The following UNC5C variants were observed in gnomAD, a reference collection of about 807,000 sequenced individuals.
UNC5C encodes the protein unc-5 netrin receptor C.
A neutral mutation model predicts 99.8 loss-of-function variants in UNC5C; 47 were observed. The ratio of observed to expected loss-of-function variants is 0.47; its 90% CI spans 0.37 to 0.60. UNC5C has a LOEUF of 0.60. Among genes scored for constraint, UNC5C ranks in the 20% least tolerant of loss-of-function variants. The pLI is 0.00. For missense variants in UNC5C, 1,062 were observed against 1,165.9 expected (o/e 0.91, Z 1.30); for synonymous variants, 487 against 452.2 (o/e 1.08, Z -0.98).
intron 7 of UNC5C, among the ~76,000 whole-genome samples, chr4:95,238,077 C>T (rs2149376516): frequency 6.6e-6 from 1 of 152,038 alleles, no homozygotes; most frequent in East Asian, 1.9e-4. Flanking sequence ...CCTACATACT[C>T]AACAATACTG....
chr4:95,548,925 C>T lies in UNC5C; in HGVS notation c.-68G>A. The T allele has an allele frequency of 1.3e-6, 2 of 1,584,144 alleles. No individual in the cohort carries two copies. Among genetic ancestry groups the T allele is most frequent in the Non-Finnish European group, 8.6e-7 (1 of 1,161,094 alleles). On this transcript the variant is annotated 5_prime_UTR_variant, in exon 1 of 16. The change creates a new upstream start codon in the 5' untranslated region. Transcript: ENST00000453304. The stretch of plus-strand genomic sequence containing the variant: ...GACGCGCAAACAGCTGAAAGCCCCA[C>T]TGGGCAGAAGCTGAATCCGTGCACC...
At chr4:95,389,559 A>T (rs10021468) in intron 1 of UNC5C, among the ~76,000 whole-genome samples, 115,196 of 151,980 alleles carry the variant, frequency 0.76, 44,504 homozygotes, top group East Asian at 0.95. Flanking sequence ...CTGAATTTTT[A>T]ATTTTAATTT....
At chr4:95,288,742 C>T (rs1741335304) in intron 3 of UNC5C, among the ~76,000 whole-genome samples, 1 of 152,310 alleles carries the variant, frequency 6.6e-6, no homozygotes, top group East Asian at 1.9e-4. Context: ...CTAATCTCTA[C>T]CTCTGTGGTT....
At chr4:95,353,720 T>G (rs2149430612) in intron 1 of UNC5C, among the ~76,000 whole-genome samples, 1 of 152,106 alleles carries the variant, frequency 6.6e-6, no homozygotes, top group South Asian at 2.1e-4. Flanking sequence ...AAAGAAAACT[T>G]AGTTGATGTG....
chr4:95,446,824 T>C (rs996238559), intron 1 of UNC5C, among the ~76,000 whole-genome samples: 16 of 152,200 alleles, frequency 1.1e-4, no homozygotes, highest in African/African-American at 3.9e-4. Flanking sequence ...ATCTGGTTTT[T>C]CAATAATGGA....
At chr4:95,280,703 C>T (rs1003047562) in intron 3 of UNC5C, among the ~76,000 whole-genome samples, 38 of 152,040 alleles carry the variant, frequency 2.5e-4, no homozygotes, top group African/African-American at 9.2e-4. Context: ...ACAACAACAA[C>T]AACAACAAGA....
At position 95,481,989 on chromosome 4, in the gene UNC5C, A is replaced by C. The variant is rs546793532; in HGVS notation, c.124+66745T>G. On this transcript the variant is annotated intron_variant, in intron 1 of 15. Coordinates refer to ENST00000453304, the MANE Select transcript of UNC5C (RefSeq NM_003728.4). ...ATAAAACACCAAAAGCAATGGCAAC[A>C]AAAGCCAAAATTGACAAATGGGATC... Among the ~76,000 whole-genome samples, 1,415 of 152,256 alleles carry C rather than the reference A, an allele frequency of 9.3e-3. 27 individuals carry two copies. The highest frequency in any genetic ancestry group is 0.032 in the African/African-American group (1,326 of 41,552).
chr4:95,334,549 G>A (rs539664238), intron 2 of UNC5C, among the ~76,000 whole-genome samples: 11 of 151,840 alleles, frequency 7.2e-5, no homozygotes, highest in Admixed American at 4.6e-4. Context: ...GCAAAAACAC[G>A]TATGCTACCA....
intron 1 of UNC5C, among the ~76,000 whole-genome samples, chr4:95,543,419 T>C (rs1306678549): frequency 6.6e-6 from 1 of 152,210 alleles, no homozygotes; most frequent in African/African-American, 2.4e-5. Flanking sequence ...AAAATATATG[T>C]CATCTAGATT....
rs2289043 is a variant in UNC5C at position 95,185,171 on chromosome 4, A to G, written c.2162T>C (p.Met721Thr). 0.67 allele frequency: 1,073,783 copies of G among 1,611,410 alleles called. 369,611 individuals are homozygous for G. Among genetic ancestry groups the G allele is most frequent in the Admixed American group, 0.79 (46,901 of 59,316 alleles). The change falls in exon 13 of 16, where the codon ATG (methionine) becomes ACG (threonine). Residue 721 changes from methionine (M) to threonine (T), a missense_variant. By Grantham distance (81) the Met-to-Thr change is moderately conservative. This residue lies in a region of UNC5C where 810 missense variants were observed against 854.5 expected (regional missense o/e 0.95). Transcript: ENST00000453304. The stretch of plus-strand genomic sequence containing the variant: ...AGGTTCTTCTAGGAGCTGTCCTCCC[A>G]TCTGTCTCTCAAGATGTAAAATTTC... Reference protein sequence around the residue: ...LKEILHLERQMGGQLLEEPKA... With the variant: ...LKEILHLERQTGGQLLEEPKA...
At position 95,520,462 on chromosome 4, in the gene UNC5C, T is replaced by C. The variant is rs944584618; in HGVS notation, c.124+28272A>G. On this transcript the variant is annotated intron_variant, in intron 1 of 15. Transcript: ENST00000453304. ...ATGGAAGTTTGTATCTGAACTCTGA[T>C]ATAAATACTTTCGCCTAAGGAGATA... 2.4e-4 allele frequency among the ~76,000 whole-genome samples: 36 copies of C among 152,170 alleles called. 1 individual carries two copies. Among genetic ancestry groups the C allele is most frequent in the Admixed American group, 6.5e-4 (10 of 15,272 alleles).
intron 4 of UNC5C, among the ~76,000 whole-genome samples, chr4:95,252,734 C>T (rs146382513): frequency 4.9e-4 from 74 of 152,308 alleles, no homozygotes; most frequent in African/African-American, 1.7e-3. Context: ...AAATCCCACA[C>T]ATGACCTCAT....
chr4:95,394,250 T>C (rs1246491372), intron 1 of UNC5C, among the ~76,000 whole-genome samples: 1 of 147,384 alleles, frequency 6.8e-6, no homozygotes, highest in Non-Finnish European at 1.5e-5. Flanking sequence ...ACTTTAATAG[T>C]AATTTACAAA....
intron 1 of UNC5C, among the ~76,000 whole-genome samples, chr4:95,359,991 T>C (rs1744337365): frequency 6.6e-6 from 1 of 152,092 alleles, no homozygotes; most frequent in Non-Finnish European, 1.5e-5. Context: ...TGCCCAATGT[T>C]TATAAAGCTA....
intron 1 of UNC5C, among the ~76,000 whole-genome samples, chr4:95,416,155 C>A (rs940385876): frequency 6.6e-6 from 1 of 152,036 alleles, no homozygotes; most frequent in East Asian, 1.9e-4. Flanking sequence ...TGAGGAAGAA[C>A]CTTTAAGTGC....
At chr4:95,239,148 G>T (rs1739235148) in intron 7 of UNC5C, among the ~76,000 whole-genome samples, 2 of 152,092 alleles carry the variant, frequency 1.3e-5, no homozygotes, top group African/African-American at 4.8e-5. Flanking sequence ...TTTTGTCTTA[G>T]ACTAATGAAC....
intron 1 of UNC5C, among the ~76,000 whole-genome samples, chr4:95,417,390 T>C (rs1171154974): frequency 6.6e-6 from 1 of 152,172 alleles, no homozygotes; most frequent in Non-Finnish European, 1.5e-5. Flanking sequence ...TTATCATTAT[T>C]AATAAACTTC....
chr4:95,235,933 A>G (rs1739093752), intron 7 of UNC5C, among the ~76,000 whole-genome samples: 1 of 152,206 alleles, frequency 6.6e-6, no homozygotes, highest in Non-Finnish European at 1.5e-5. Context: ...GTCAGGAAAC[A>G]ACAGGTGCTG....
In UNC5C at chr4:95,440,900, T is replaced by G. The variant is rs966580462; in HGVS notation, c.125-105269A>C. 3.3e-5 allele frequency among the ~76,000 whole-genome samples: 5 copies of G among 152,342 alleles called. No homozygotes were observed. The East Asian group carries it at 7.7e-4, about 23-fold the overall frequency. On this transcript the variant is annotated intron_variant, in intron 1 of 15. Coordinates refer to ENST00000453304, the MANE Select transcript of UNC5C (RefSeq NM_003728.4). Reference sequence around the variant, plus strand: ...AATGTACTTTACAAACATTAAGTAATTTTTATAATACTCTTGGGAATTAAC... The same window carrying G: ...AATGTACTTTACAAACATTAAGTAAGTTTTATAATACTCTTGGGAATTAAC...
Sources: allele counts gnomAD v4.1 joint callset (sites outside exome capture counted in the v4.1 genomes callset), GRCh38; gene constraint gnomAD v4.1.1; regional missense constraint gnomAD v4.1.1; transcripts MANE v1.5; gene names NCBI Gene and HGNC (gene_info 2026-07-23, HGNC 2026-07-21).